GRIA4: variants seen among roughly 807,000 people sequenced by gnomAD.
GRIA4 encodes glutamate ionotropic receptor AMPA type subunit 4.
Under a neutral mutation model 104.0 loss-of-function variants are expected in GRIA4, and 34 were observed. The ratio of observed to expected loss-of-function variants is 0.33; its 90% confidence interval spans 0.25 to 0.44. GRIA4 has a LOEUF of 0.44. GRIA4 is among the 20% of genes least tolerant of loss of function. The pLI is 1.00. For synonymous variants in GRIA4, 386 were observed against 381.9 expected (o/e 1.01, Z -0.13); for missense variants, 750 against 1,096.5 (o/e 0.68, Z 4.46).
At position 105,816,543 on chromosome 11, in the gene GRIA4, G is replaced by A. The variant is rs527904923; in HGVS notation, c.488-45481G>A. On this transcript the variant is annotated intron_variant, in intron 4 of 16. Coordinates refer to ENST00000282499, the MANE Select transcript of GRIA4 (RefSeq NM_000829.4). ...GCTTCTAGAGGCCTCCCCAGAAGCA[G>A]ATGCTTTCTGTACAGCCTGCAGAAC... Among the ~76,000 whole-genome samples the A allele has an allele frequency of 9.9e-5, 15 of 152,284 alleles. 1 individual carries two copies. In the South Asian group the frequency reaches 2.9e-3, roughly 29 times the overall value.
intron 4 of GRIA4, among the ~76,000 whole-genome samples, chr11:105,803,714 A>G (rs957154778): frequency 6.6e-6 from 1 of 151,868 alleles, no homozygotes; most frequent in African/African-American, 2.4e-5. Flanking sequence ...CAGATAAAGA[A>G]CACTTCATGA....
chr11:105,702,154 A>G lies in GRIA4; in HGVS notation c.248-50827A>G, dbSNP rs191175436. On this transcript the variant is annotated intron_variant, in intron 3 of 16. Coordinates refer to ENST00000282499, the MANE Select transcript of GRIA4 (RefSeq NM_000829.4). The stretch of plus-strand genomic sequence containing the variant: ...TCACTATGTTACCCAGGCTGGTATC[A>G]AACTCCTGGCCTCAAGAGGTCCTCC... Among the ~76,000 whole-genome samples, 162 of 152,200 alleles carry G rather than the reference A, an allele frequency of 1.1e-3. 1 individual carries two copies. The highest frequency in any genetic ancestry group is 1.5e-3 in the Non-Finnish European group (101 of 68,004).
At position 105,789,330 on chromosome 11, in the gene GRIA4, A is replaced by G. The variant is rs79485602; in HGVS notation, c.487+36110A>G. 8.8e-4 allele frequency among the ~76,000 whole-genome samples: 134 copies of G among 152,302 alleles called. 1 individual carries two copies. In the East Asian group the frequency reaches 0.021, roughly 24 times the overall value. ...TGAGGGTAGAGTCTCATCAATGGTT[A>G]CAGGTTTATATTAGATCTCAGACTG... On this transcript the variant is annotated intron_variant, in intron 4 of 16. Transcript: ENST00000282499.
In GRIA4 at chr11:105,763,938, A is replaced by T. The variant is rs117068245; in HGVS notation, c.487+10718A>T. The stretch of plus-strand genomic sequence containing the variant: ...CAACGGGTATGTCAGATTTCTATCA[A>T]TTCTCACTTTAAAAAGATTTGAACT... On this transcript the variant is annotated intron_variant, in intron 4 of 16. Transcript: ENST00000282499. Among the ~76,000 whole-genome samples the T allele has an allele frequency of 3.2e-3, 487 of 152,294 alleles. 9 individuals are homozygous for T. In the East Asian group the frequency reaches 0.049, roughly 15 times the overall value.
Position 105,933,817 on chromosome 11 carries a change from T to C in GRIA4, c.2142T>C (p.Arg714=), listed in dbSNP as rs1321422167. 4 of 1,613,468 alleles carry C rather than the reference T, an allele frequency of 2.5e-6. No individual in the cohort carries two copies. Among genetic ancestry groups the C allele is most frequent in the Non-Finnish European group, 8.5e-7 (1 of 1,179,588 alleles). ...FTRTTAEGVA[R]VRKSKGKFAF... ...GGACTACAGCTGAGGGAGTAGCTCG[T>C]GTCCGCAAATCCAAGGGCAAATTTG... The change falls in exon 14 of 17, where the codon CGT becomes CGC. Residue 714 remains arginine, a synonymous_variant. Transcript: ENST00000282499.
At chr11:105,858,501 T>C (rs1457971352) in intron 4 of GRIA4, among the ~76,000 whole-genome samples, 1 of 152,208 alleles carries the variant, frequency 6.6e-6, no homozygotes, top group East Asian at 1.9e-4. Context: ...TCTTTCTTTA[T>C]GTTATAAACA....
intron 4 of GRIA4, among the ~76,000 whole-genome samples, chr11:105,798,859 G>A (rs920246238): frequency 6.6e-6 from 1 of 152,098 alleles, no homozygotes; most frequent in Non-Finnish European, 1.5e-5. Flanking sequence ...TAGTGCTCAG[G>A]TTTTAACATA....
intron 4 of GRIA4, among the ~76,000 whole-genome samples, chr11:105,760,386 C>T (rs1940556963): frequency 6.6e-6 from 1 of 152,148 alleles, no homozygotes; most frequent in Admixed American, 6.6e-5. Context: ...AACTTTTCTC[C>T]TTGGCCCCAG....
intron 3 of GRIA4, among the ~76,000 whole-genome samples, chr11:105,652,313 A>G (rs992371023): frequency 1.3e-5 from 2 of 152,196 alleles, no homozygotes; most frequent in Admixed American, 6.5e-5. Flanking sequence ...GAACATACCG[A>G]GAAAGAATGA....
intron 3 of GRIA4, among the ~76,000 whole-genome samples, chr11:105,722,678 A>C (rs1235579105): frequency 6.6e-6 from 1 of 152,110 alleles, no homozygotes; most frequent in African/African-American, 2.4e-5. Flanking sequence ...AAAATGGTAA[A>C]ATTTAATGTG....
At chr11:105,855,850 T>C (rs923157661) in intron 4 of GRIA4, among the ~76,000 whole-genome samples, 2 of 152,140 alleles carry the variant, frequency 1.3e-5, no homozygotes, top group Admixed American at 6.6e-5. Context: ...TAATTTATTA[T>C]ACTACTTTGG....
At chr11:105,756,160 T>A (rs1314470028) in intron 4 of GRIA4, among the ~76,000 whole-genome samples, 1 of 152,176 alleles carries the variant, frequency 6.6e-6, no homozygotes, top group Admixed American at 6.6e-5. Context: ...TATAGGAGGA[T>A]GACAAAGCAG....
intron 4 of GRIA4, among the ~76,000 whole-genome samples, chr11:105,782,040 G>C (rs1406351515): frequency 6.6e-6 from 1 of 152,118 alleles, no homozygotes; most frequent in African/African-American, 2.4e-5. Flanking sequence ...CTTGCAACCT[G>C]TTCCTCTTGC....
intron 14 of GRIA4, among the ~76,000 whole-genome samples, chr11:105,952,339 A>C (rs1358256474): frequency 6.6e-6 from 1 of 152,194 alleles, no homozygotes; most frequent in East Asian, 1.9e-4. Context: ...CTAAAAGAGA[A>C]CCATGACCCA....
chr11:105,868,668 G>T (rs1945513145), intron 5 of GRIA4, among the ~76,000 whole-genome samples: 1 of 152,084 alleles, frequency 6.6e-6, no homozygotes, highest in Admixed American at 6.6e-5. Flanking sequence ...TGTTGTACAG[G>T]CTGAAAAAAG....
At chr11:105,719,064 A>G (rs1231931159) in intron 3 of GRIA4, among the ~76,000 whole-genome samples, 1 of 152,162 alleles carries the variant, frequency 6.6e-6, no homozygotes, top group Admixed American at 6.5e-5. Flanking sequence ...TTTAAAAGGA[A>G]GGTGACTGCT....
chr11:105,770,596 A>G (rs1941164015), intron 4 of GRIA4, among the ~76,000 whole-genome samples: 1 of 151,972 alleles, frequency 6.6e-6, no homozygotes, highest in South Asian at 2.1e-4. Context: ...CCTATTTTCC[A>G]GTTGCCAAGT....
At chr11:105,711,618 A>G (rs1953914951) in intron 3 of GRIA4, among the ~76,000 whole-genome samples, 1 of 152,142 alleles carries the variant, frequency 6.6e-6, no homozygotes, top group African/African-American at 2.4e-5. Flanking sequence ...ATACTCTCAC[A>G]TTGAACACTA....
intron 5 of GRIA4, among the ~76,000 whole-genome samples, chr11:105,871,817 T>C (rs1013368187): frequency 1.3e-5 from 2 of 152,100 alleles, no homozygotes; most frequent in East Asian, 3.8e-4. Flanking sequence ...TGGTATTAGC[T>C]GAAGTTATTT....
Sources: gnomAD v4.1 joint callset for allele counts (sites outside exome capture counted in the v4.1 genomes callset) on GRCh38, gnomAD v4.1.1 for gene constraint, MANE v1.5 for transcripts, NCBI Gene and HGNC (gene_info 2026-07-23, HGNC 2026-07-21) for gene names.